The following NAV2 variants were observed in gnomAD, a reference collection of about 807,000 sequenced individuals.
The protein encoded by NAV2 is helicase, APC down-regulated 1.
A neutral mutation model predicts 223.2 loss-of-function variants in NAV2; 54 were observed. The ratio of observed to expected loss-of-function variants is 0.24; its 90% CI spans 0.19 to 0.30. The LOEUF is 0.30. Among genes scored for constraint, NAV2 ranks in the 10% least tolerant of loss-of-function variants. NAV2 has a pLI of 1.00. For synonymous variants in NAV2, 1,279 were observed against 1,239.3 expected (o/e 1.03, Z -0.67); for missense variants, 2,806 against 3,147.5 (o/e 0.89, Z 2.60).
intron 1 of NAV2, among the ~76,000 whole-genome samples, chr11:19,652,301 G>A (rs1253109012): frequency 2.6e-5 from 4 of 152,168 alleles, no homozygotes; most frequent in Non-Finnish European, 2.9e-5. Context: ...GAAGCCAGCA[G>A]AGCTGACATG....
At chr11:19,813,277 A>T (rs1431528859) in intron 1 of NAV2, among the ~76,000 whole-genome samples, 37 of 152,104 alleles carry the variant, frequency 2.4e-4, no homozygotes, top group Non-Finnish European at 1.5e-5. Flanking sequence ...GAGGAGTTGG[A>T]AAGCATGTAA....
chr11:19,948,099 G>A (rs999354301), intron 9 of NAV2, among the ~76,000 whole-genome samples: 12 of 149,976 alleles, frequency 8.0e-5, no homozygotes, highest in Non-Finnish European at 1.3e-4. Context: ...TTTTTTTGCC[G>A]GGGGGGATGG....
At chr11:19,944,235 G>C (rs2153347437) in intron 8 of NAV2, among the ~76,000 whole-genome samples, 1 of 152,204 alleles carries the variant, frequency 6.6e-6, no homozygotes, top group Non-Finnish European at 1.5e-5. Context: ...AGAATTGCCA[G>C]AGAAGGCAAA....
chr11:20,035,425 ATAT>A lies in NAV2; in HGVS notation c.2769-528_2769-526del, dbSNP rs148345052. On this transcript the variant is annotated intron_variant, in intron 11 of 37. Transcript: ENST00000349880. The stretch of plus-strand genomic sequence containing the variant: ...ACATCTATTTTAGATGTATTTGGGG[ATAT>A]TATTAGAGTTAGAGCTGCTAACCAA... 8.1e-3 allele frequency among the ~76,000 whole-genome samples: 1,227 copies of A among 152,190 alleles called. 15 individuals carry two copies. Among genetic ancestry groups the A allele is most frequent in the African/African-American group, 0.028 (1,173 of 41,508 alleles).
intron 29 of NAV2, among the ~76,000 whole-genome samples, chr11:20,093,774 A>T (rs1805498033): frequency 6.6e-6 from 1 of 152,160 alleles, no homozygotes; most frequent in Admixed American, 6.5e-5. Flanking sequence ...AAAGTCTAGG[A>T]ACTTCCAGAG....
intron 8 of NAV2, among the ~76,000 whole-genome samples, chr11:19,941,916 C>T (rs2153336052): frequency 6.6e-6 from 1 of 152,248 alleles, no homozygotes; most frequent in East Asian, 1.9e-4. Context: ...GTAACATATC[C>T]CTTAAGGTTT....
At chr11:19,456,552 T>C (rs993344016) in intron 1 of NAV2, among the ~76,000 whole-genome samples, 5 of 152,176 alleles carry the variant, frequency 3.3e-5, no homozygotes, top group Admixed American at 1.3e-4. Context: ...GGCAGCTGTT[T>C]ACAGCTGGCT....
intron 1 of NAV2, among the ~76,000 whole-genome samples, chr11:19,625,903 T>A (rs2047156835): frequency 6.6e-6 from 1 of 152,150 alleles, no homozygotes; most frequent in Admixed American, 6.6e-5. Flanking sequence ...TGTGGAGATG[T>A]TTGAGTTCCT....
At chr11:19,904,187 T>C (rs1287071762) in intron 6 of NAV2, among the ~76,000 whole-genome samples, 1 of 152,228 alleles carries the variant, frequency 6.6e-6, no homozygotes, top group East Asian at 1.9e-4. Flanking sequence ...ATTCTCTCCC[T>C]TATTTATTAT....
intron 1 of NAV2, among the ~76,000 whole-genome samples, chr11:19,652,733 T>C (rs2048005699): frequency 6.6e-6 from 1 of 152,212 alleles, no homozygotes; most frequent in South Asian, 2.1e-4. Context: ...GCTTATGCAT[T>C]TACCTGAAGT....
intron 1 of NAV2, among the ~76,000 whole-genome samples, chr11:19,621,593 G>A (rs1034229198): frequency 1.3e-5 from 2 of 152,138 alleles, no homozygotes; most frequent in African/African-American, 4.8e-5. Context: ...TGTGGGATCG[G>A]TGGTGATATT....
chr11:20,029,595 G>C (rs1196076926), intron 11 of NAV2, among the ~76,000 whole-genome samples: 1 of 152,190 alleles, frequency 6.6e-6, no homozygotes, highest in African/African-American at 2.4e-5. Context: ...CTATGGTCAA[G>C]GCAGGGAAAA....
chr11:19,363,911 T>G (rs921636957), intron 1 of NAV2, among the ~76,000 whole-genome samples: 2 of 152,232 alleles, frequency 1.3e-5, no homozygotes, highest in Non-Finnish European at 2.9e-5. Flanking sequence ...GGAAGGGGCA[T>G]TGAGCTTCCA....
At chr11:20,044,858 C>T in intron 13 of NAV2, 110 bp from the exon 14 acceptor site, 1 of 849,996 alleles carries the variant, frequency 1.2e-6, no homozygotes, top group Non-Finnish European at 1.8e-6. Context: ...TCCTCTGCCT[C>T]CCCAAGGGAA....
At chr11:19,416,679 T>C (rs2702623) in intron 1 of NAV2, among the ~76,000 whole-genome samples, 131,995 of 152,170 alleles carry the variant, frequency 0.87, 57,908 homozygotes, top group East Asian at 0.94. Flanking sequence ...AGGCATCACA[T>C]TACCTGACTT....
At chr11:20,053,160 G>A (rs1227123772) in intron 17 of NAV2, among the ~76,000 whole-genome samples, 1 of 131,890 alleles carries the variant, frequency 7.6e-6, no homozygotes, top group Admixed American at 8.9e-5. Flanking sequence ...AGTGGTTGCA[G>A]TGAGCCGAGA....
chr11:19,622,139 G>T (rs939724814), intron 1 of NAV2, among the ~76,000 whole-genome samples: 7 of 152,296 alleles, frequency 4.6e-5, no homozygotes, highest in African/African-American at 1.4e-4. Context: ...TATAATTTCT[G>T]TTCTTTTACA....
Position 20,055,778 on chromosome 11 carries a change from C to G in NAV2, c.4652C>G (p.Thr1551Ser). Residue 1551 changes from threonine (T) to serine (S), a missense_variant, in exon 19 of 38, where the codon ACC becomes AGC. Thr to Ser is a moderately conservative substitution (Grantham distance 58). This residue lies in a region of NAV2 where 742 missense variants were observed against 777.9 expected (regional missense o/e 0.95). Coordinates refer to ENST00000349880, the MANE Select transcript of NAV2 (RefSeq NM_145117.5). ...ATTCCTTTTATTCCAGCGAGTCCCA[C>G]CACTGTCACCCAGATGAGCTTGTCC... The part of the protein sequence containing the change: ...RFNFSQLASP[T>S]TVTQMSLSNP... The G allele has an allele frequency of 6.2e-7, 1 of 1,613,876 alleles. No individual in the cohort carries two copies. Among genetic ancestry groups the G allele is most frequent in the Non-Finnish European group, 8.5e-7 (1 of 1,179,828 alleles).
intron 1 of NAV2, among the ~76,000 whole-genome samples, chr11:19,571,999 T>A (rs1035483344): frequency 2.0e-5 from 3 of 152,202 alleles, no homozygotes; most frequent in Non-Finnish European, 4.4e-5. Flanking sequence ...GTTAGGGACA[T>A]CCTGTGGATG....
Sources: allele counts gnomAD v4.1 joint callset (sites outside exome capture counted in the v4.1 genomes callset), GRCh38; gene constraint gnomAD v4.1.1; regional missense constraint gnomAD v4.1.1; transcripts MANE v1.5; gene names NCBI Gene and HGNC (gene_info 2026-07-23, HGNC 2026-07-21).